DST: variants seen among roughly 807,000 people sequenced by gnomAD.
The protein encoded by DST is dystonin.
Under a neutral mutation model 875.2 loss-of-function variants are expected in DST, and 253 were observed. The ratio of observed to expected loss-of-function variants is 0.29; its 90% CI spans 0.26 to 0.32. DST has a LOEUF of 0.32. Ranked by LOEUF, DST falls within the 10% of genes least tolerant of loss-of-function variation. The probability of loss-of-function intolerance (pLI) is 1.00; values close to 1 mark genes in which losing one functional copy is unlikely to be tolerated. For synonymous variants in DST, 3,124 were observed against 3,197.1 expected, an observed-to-expected ratio of 0.98 and a Z score of 0.77; for missense variants, 8,287 against 9,111.6, an observed-to-expected ratio of 0.91 and a Z score of 3.68.
intron 90 of DST, among the ~76,000 whole-genome samples, chr6:56,478,168 T>C (rs924184059): frequency 1.5e-4 from 23 of 152,232 alleles, no homozygotes; most frequent in Admixed American, 9.2e-4. Flanking sequence ...CAAAAATAAG[T>C]TCTAACAAAT....
chr6:56,810,784 C>T (rs1175465117), intron 4 of DST, among the ~76,000 whole-genome samples: 5 of 151,840 alleles, frequency 3.3e-5, no homozygotes, highest in African/African-American at 1.2e-4. Context: ...CCTCCTGCTA[C>T]ATCATGTCAT....
At chr6:56,464,110 T>A (rs1169586814) in intron 100 of DST, 1 of 390,140 alleles carries the variant, frequency 2.6e-6, no homozygotes, top group Non-Finnish European at 4.9e-6. Flanking sequence ...GCCCACATGG[T>A]TTCATTACCC....
chr6:56,607,055 T>C lies in DST; in HGVS notation c.7573A>G (p.Lys2525Glu), dbSNP rs2098504661. Residue 2525 changes from lysine (K) to glutamate (E), a missense_variant, in exon 40 of 104, where the codon AAA (lysine) becomes GAA (glutamate). Physicochemically the swap from Lys to Glu is moderately conservative, Grantham distance 56 (BLOSUM62 1). Coordinates refer to ENST00000680361, the MANE Select transcript of DST (RefSeq NM_001374736.1). ...TCACCAGAAGTATTTGAAATGTATTTATCATTGTGATATTGTACTTGAGGA... is the reference window on the plus strand; with the variant it reads ...TCACCAGAAGTATTTGAAATGTATTCATCATTGTGATATTGTACTTGAGGA... The part of the protein sequence containing the change: ...SNPQVQYHND[K>E]YISNTSGEDE... The C allele has an allele frequency of 6.2e-7, 1 of 1,613,232 alleles. No homozygotes were observed. Among genetic ancestry groups the C allele is most frequent in the South Asian group, 1.1e-5 (1 of 91,070 alleles).
chr6:56,679,654 C>G (rs1486780095), intron 9 of DST, among the ~76,000 whole-genome samples: 1 of 150,248 alleles, frequency 6.7e-6, no homozygotes, highest in East Asian at 2.0e-4. Flanking sequence ...GCCTGCGGTC[C>G]AAGCTTCCTC....
chr6:56,776,171 T>G (rs1281071743), intron 4 of DST, among the ~76,000 whole-genome samples: 3 of 152,130 alleles, frequency 2.0e-5, no homozygotes, highest in Non-Finnish European at 2.9e-5. Context: ...ATAACCTCAA[T>G]CTAACCATAG....
chr6:56,570,090 G>A, intron 53 of DST, 78 bp from the exon 54 acceptor site: 3 of 1,083,044 alleles, frequency 2.8e-6, no homozygotes, highest in Admixed American at 2.9e-5. Context: ...GTCACACAAT[G>A]TTAAGAAACC....
chr6:56,566,945 A>G (rs560736202), intron 55 of DST, among the ~76,000 whole-genome samples: 1 of 152,354 alleles, frequency 6.6e-6, no homozygotes, highest in Non-Finnish European at 1.5e-5. Flanking sequence ...GGTGGTTAGG[A>G]GTACCTAGGT....
At chr6:56,889,981 A>G (rs1278083539) in intron 3 of DST, among the ~76,000 whole-genome samples, 2 of 152,256 alleles carry the variant, frequency 1.3e-5, no homozygotes, top group African/African-American at 4.8e-5. Flanking sequence ...CAAAGATTTC[A>G]TCCATATCTA....
At chr6:56,784,920 CTGTT>C (rs1472340492) in intron 4 of DST, among the ~76,000 whole-genome samples, 1 of 152,112 alleles carries the variant, frequency 6.6e-6, no homozygotes, top group Non-Finnish European at 1.5e-5. Context: ...GATGTCCTTT[CTGTT>C]TGTTAGTTTT....
At chr6:56,744,832 C>T (rs561023969) in intron 4 of DST, among the ~76,000 whole-genome samples, 67 of 152,254 alleles carry the variant, frequency 4.4e-4, no homozygotes, top group African/African-American at 1.6e-3. Context: ...GTAGCTGCCA[C>T]GTAGTTGAAA....
rs779910570 is a variant in DST, at chr6:56,634,124, A to T, written c.3621+8T>A. On this transcript the variant is annotated splice_region_variant and intron_variant, in intron 27 of 103. Transcript: ENST00000680361. ...ACATATCGAGTTGACATACAGATTC[A>T]TACTTACTGAAGCCACATTGCTAGC... The T allele has an allele frequency of 1.9e-6, 3 of 1,612,906 alleles. No homozygotes were observed. Among genetic ancestry groups the T allele is most frequent in the Non-Finnish European group, 2.5e-6 (3 of 1,180,004 alleles).
At chr6:56,595,627 C>A (rs1350460801) in intron 47 of DST, among the ~76,000 whole-genome samples, 1 of 152,130 alleles carries the variant, frequency 6.6e-6, no homozygotes, top group Non-Finnish European at 1.5e-5. Flanking sequence ...TAAGTCTGAT[C>A]CCAATTAGTC....
In DST at chr6:56,486,362, CAAAAAAAAAAAAAA is replaced by C. The variant is rs61164880; in HGVS notation, c.21047+728_21047+741del. ...TGGGTGACAGAGCGAGACTCCGTCTCAAAAAAAAAAAAAAAAAAAAAAAAAGGATTTTTTCAAAA... is the reference window on the plus strand; with the variant it reads ...TGGGTGACAGAGCGAGACTCCGTCTCAAAAAAAAAAAGGATTTTTTCAAAA... On this transcript the variant is annotated intron_variant, in intron 87 of 103. Coordinates refer to ENST00000680361, the MANE Select transcript of DST (RefSeq NM_001374736.1). Among the ~76,000 whole-genome samples the C allele has an allele frequency of 2.1e-4, 7 of 34,028 alleles. 1 individual carries two copies. Among genetic ancestry groups the C allele is most frequent in the South Asian group, 1.8e-3 (1 of 568 alleles). The allele number at this position is 34,028 out of a possible 152,430, so 22.3% of individuals were successfully genotyped here. A position where few individuals can be genotyped will look rare whatever the true frequency, so the allele number is the denominator to read the frequency against.
chr6:56,736,713 T>C (rs1226866727), intron 4 of DST, among the ~76,000 whole-genome samples: 1 of 152,276 alleles, frequency 6.6e-6, no homozygotes, highest in Non-Finnish European at 1.5e-5. Flanking sequence ...ATTAAAAGTA[T>C]TTATGTTCTC....
chr6:56,481,499 A>AT (rs1562268516), intron 90 of DST, among the ~76,000 whole-genome samples: 1 of 152,324 alleles, frequency 6.6e-6, no homozygotes, highest in East Asian at 1.9e-4. Context: ...TATGAAATTC[A>AT]TTTTTAAAGT....
intron 2 of DST, among the ~76,000 whole-genome samples, chr6:56,920,411 C>T (rs1213222188): frequency 6.6e-6 from 1 of 152,190 alleles, no homozygotes; most frequent in Non-Finnish European, 1.5e-5. Context: ...TCACACACAT[C>T]TGCATGAAAG....
Position 56,535,297 on chromosome 6 carries a change from A to T in DST, c.16771-5T>A, listed in dbSNP as rs2096973479. On this transcript the variant is annotated splice_polypyrimidine_tract_variant and splice_region_variant and intron_variant, in intron 62 of 103. Coordinates refer to ENST00000680361, the MANE Select transcript of DST (RefSeq NM_001374736.1). ...CTGGGCTGCTCGCTGAGCCACCTGC[A>T]AAGTGCCAATTGTTTCCACTTATTT... The T allele has an allele frequency of 1.9e-6, 3 of 1,566,626 alleles. No individual in the cohort carries two copies. Among genetic ancestry groups the T allele is most frequent in the African/African-American group, 2.8e-5 (2 of 71,958 alleles).
chr6:56,546,286 T>A (rs1441011478), intron 61 of DST, among the ~76,000 whole-genome samples: 1 of 144,458 alleles, frequency 6.9e-6, no homozygotes, highest in Non-Finnish European at 1.5e-5. Context: ...TGAAAAAAAA[T>A]TCTATGTAAC....
At chr6:56,594,247 C>G (rs189281012) in intron 47 of DST, 54 bp from the exon 48 acceptor site, 5 of 1,428,144 alleles carry the variant, frequency 3.5e-6, no homozygotes, top group South Asian at 3.0e-5. Flanking sequence ...GTAACACCTG[C>G]AGGGAGCTCC....
Sources: allele counts gnomAD v4.1 joint callset (sites outside exome capture counted in the v4.1 genomes callset), GRCh38; gene constraint gnomAD v4.1.1; transcripts MANE v1.5; gene names NCBI Gene and HGNC (gene_info 2026-07-23, HGNC 2026-07-21).